Variants in CCSER1 observed in about 807,000 individuals in gnomAD.
CCSER1 encodes serine-rich coiled-coil domain-containing protein 1.
Under a neutral mutation model 82.0 loss-of-function variants are expected in CCSER1, and 41 were observed. The observed-to-expected ratio is 0.50, with a 90% confidence interval of 0.39 to 0.65. The LOEUF (loss-of-function observed/expected upper bound fraction) is 0.65. Ranked by LOEUF, CCSER1 falls within the 30% of genes least tolerant of loss-of-function variation. The pLI is 0.00. For missense variants in CCSER1, 1,119 were observed against 1,064.2 expected, an observed-to-expected ratio of 1.05 and a Z score of -0.72; for synonymous variants, 414 against 383.9, an observed-to-expected ratio of 1.08 and a Z score of -0.92.
At chr4:90,682,369 G>T (rs1236039299) in intron 6 of CCSER1, among the ~76,000 whole-genome samples, 1 of 151,738 alleles carries the variant, frequency 6.6e-6, no homozygotes, top group East Asian at 1.9e-4. Flanking sequence ...ATGATAAGAA[G>T]GCACTTTTTA....
chr4:90,659,212 T>TTCTC (rs1168280276), intron 6 of CCSER1, among the ~76,000 whole-genome samples: 1 of 152,064 alleles, frequency 6.6e-6, no homozygotes, highest in Non-Finnish European at 1.5e-5. Context: ...TGGGAGATCA[T>TTCTC]TCTCTTGATT....
At chr4:90,941,688 C>A (rs1458949224) in intron 9 of CCSER1, among the ~76,000 whole-genome samples, 2 of 152,090 alleles carry the variant, frequency 1.3e-5, no homozygotes, top group East Asian at 3.9e-4. Flanking sequence ...CTCTCTAAAA[C>A]AAATCTCTGT....
chr4:91,071,393 A>T (rs972859926), intron 9 of CCSER1, among the ~76,000 whole-genome samples: 1 of 152,184 alleles, frequency 6.6e-6, no homozygotes, highest in African/African-American at 2.4e-5. Context: ...TGAGATACAA[A>T]CAAAGACTTG....
intron 7 of CCSER1, among the ~76,000 whole-genome samples, chr4:90,768,169 A>G (rs2149549811): frequency 6.6e-6 from 1 of 152,266 alleles, no homozygotes; most frequent in South Asian, 2.1e-4. Flanking sequence ...TGGTTCACTC[A>G]CTTTGGGAGA....
intron 7 of CCSER1, among the ~76,000 whole-genome samples, chr4:90,799,353 G>A (rs1217040334): frequency 6.6e-6 from 1 of 152,270 alleles, no homozygotes; most frequent in Middle Eastern, 3.4e-3. Context: ...GAGGGTGGGG[G>A]ACAGACAGTC....
rs1724219840 is a variant in CCSER1 at position 91,093,794 on chromosome 4, T to G, written c.2217+7800T>G. The stretch of plus-strand genomic sequence containing the variant: ...TTTTTCCTTTAACTTGCAAAAGTCT[T>G]GCTGTTGCAGAGGTCCCCATTCAAA... On this transcript the variant is annotated intron_variant, in intron 10 of 10. Transcript: ENST00000509176. Among the ~76,000 whole-genome samples the G allele has an allele frequency of 2.6e-5, 4 of 152,236 alleles. No homozygotes were observed. The South Asian group carries it at 8.3e-4, about 31-fold the overall frequency.
chr4:90,135,433 T>C (rs991368818), intron 1 of CCSER1, among the ~76,000 whole-genome samples: 2 of 152,086 alleles, frequency 1.3e-5, no homozygotes, highest in African/African-American at 4.8e-5. Context: ...CAACCTCATT[T>C]CCTGAGCCAT....
At chr4:90,252,445 G>A (rs1722568565) in intron 1 of CCSER1, among the ~76,000 whole-genome samples, 1 of 151,264 alleles carries the variant, frequency 6.6e-6, no homozygotes, top group Non-Finnish European at 1.5e-5. Context: ...ATATAAGAAC[G>A]TGTTTTTTAC....
At chr4:91,550,097 C>T (rs1043534409) in intron 10 of CCSER1, among the ~76,000 whole-genome samples, 1 of 152,110 alleles carries the variant, frequency 6.6e-6, no homozygotes, top group African/African-American at 2.4e-5. Context: ...GTATGTCAGG[C>T]TCTGATAAAA....
At chr4:90,691,813 T>G (rs1321175009) in intron 6 of CCSER1, among the ~76,000 whole-genome samples, 2 of 151,618 alleles carry the variant, frequency 1.3e-5, no homozygotes, top group Non-Finnish European at 2.9e-5. Context: ...GTAATAAACA[T>G]AGTACTCGAT....
At chr4:91,347,799 T>G (rs757089229) in intron 10 of CCSER1, among the ~76,000 whole-genome samples, 5 of 152,036 alleles carry the variant, frequency 3.3e-5, no homozygotes, top group Non-Finnish European at 5.9e-5. Flanking sequence ...AGAAAAAAAT[T>G]GACTTTTGCT....
intron 5 of CCSER1, among the ~76,000 whole-genome samples, chr4:90,590,255 C>T (rs1489704084): frequency 6.6e-6 from 1 of 151,894 alleles, no homozygotes; most frequent in Non-Finnish European, 1.5e-5. Flanking sequence ...GTCTGGGAGC[C>T]TGGGTGACAG....
chr4:91,155,858 G>T (rs1467710984), intron 10 of CCSER1, among the ~76,000 whole-genome samples: 2 of 151,876 alleles, frequency 1.3e-5, no homozygotes, highest in East Asian at 3.9e-4. Context: ...AGGGATTCAA[G>T]AACAAGACCA....
chr4:91,174,700 C>G (rs149608994), intron 10 of CCSER1, among the ~76,000 whole-genome samples: 143 of 152,172 alleles, frequency 9.4e-4, no homozygotes, highest in Admixed American at 8.9e-3. Flanking sequence ...ATGTGTTATA[C>G]CATTGATAAA....
At chr4:90,303,108 T>C (rs1733498160) in intron 1 of CCSER1, among the ~76,000 whole-genome samples, 1 of 152,230 alleles carries the variant, frequency 6.6e-6, no homozygotes, top group South Asian at 2.1e-4. Flanking sequence ...TACTCCAGGT[T>C]ATTCAATAAT....
At chr4:90,611,266 C>T (rs939075900) in intron 5 of CCSER1, among the ~76,000 whole-genome samples, 7 of 151,904 alleles carry the variant, frequency 4.6e-5, no homozygotes, top group Non-Finnish European at 8.8e-5. Context: ...AAAAATGAAG[C>T]TCTGTTGCCT....
At chr4:90,668,585 G>C (rs1732225836) in intron 6 of CCSER1, among the ~76,000 whole-genome samples, 1 of 152,086 alleles carries the variant, frequency 6.6e-6, no homozygotes, top group African/African-American at 2.4e-5. Flanking sequence ...AAAAAAGAAT[G>C]ATTTGACAAG....
In CCSER1 at chr4:90,957,557, T is replaced by TATATTATATAATTATATTATATA. The variant is rs1561418005; in HGVS notation, c.2172+34115_2172+34137dup. ...ATATATATTATATAATTATATTATATATATTATATAATTATATTATATAAT... is the reference window on the plus strand; with the variant it reads ...ATATATATTATATAATTATATTATATATATTATATAATTATATTATATAATATTATATAATTATATTATATAAT... On this transcript the variant is annotated intron_variant, in intron 9 of 10. Coordinates refer to ENST00000509176, the MANE Select transcript of CCSER1 (RefSeq NM_001145065.2). Among the ~76,000 whole-genome samples, 11 of 131,866 alleles carry TATATTATATAATTATATTATATA rather than the reference T, an allele frequency of 8.3e-5. No homozygotes were observed. The South Asian group carries it at 1.1e-3, about 13-fold the overall frequency. 86.5% of individuals were successfully genotyped at this position (131,866 alleles called of 152,430 possible).
At chr4:90,386,144 A>G (rs1162153251) in intron 3 of CCSER1, among the ~76,000 whole-genome samples, 1 of 152,234 alleles carries the variant, frequency 6.6e-6, no homozygotes, top group Non-Finnish European at 1.5e-5. Flanking sequence ...TGTTCACAGA[A>G]TTAGAAAAAA....
Sources: gnomAD v4.1 joint callset for allele counts (sites outside exome capture counted in the v4.1 genomes callset) on GRCh38, gnomAD v4.1.1 for gene constraint, MANE v1.5 for transcripts, NCBI Gene and HGNC (gene_info 2026-07-23, HGNC 2026-07-21) for gene names.